Variants in TMEM181 observed in about 807,000 individuals in gnomAD.
The protein encoded by TMEM181 is transmembrane protein 181, also known as G protein-coupled receptor 178.
TMEM181 carries 39 observed loss-of-function variants against 71.9 expected under a neutral mutation model. That is an observed-to-expected ratio of 0.54 (90% CI 0.42 to 0.71). The LOEUF (loss-of-function observed/expected upper bound fraction) is 0.71. TMEM181 is among the 30% of genes least tolerant of loss of function. The pLI is 0.00. For missense variants in TMEM181, 595 were observed against 583.0 expected, an observed-to-expected ratio of 1.02 and a Z score of -0.21; for synonymous variants, 245 against 228.8, an observed-to-expected ratio of 1.07 and a Z score of -0.64.
At chr6:158,607,921 C>G (rs1164650324) in intron 8 of TMEM181, among the ~76,000 whole-genome samples, 1 of 152,218 alleles carries the variant, frequency 6.6e-6, no homozygotes, top group African/African-American at 2.4e-5. Flanking sequence ...GCTGGCTGTT[C>G]CTCTTTTCCT....
intron 6 of TMEM181, among the ~76,000 whole-genome samples, chr6:158,593,559 C>T (rs1784227850): frequency 6.6e-6 from 1 of 152,250 alleles, no homozygotes; most frequent in African/African-American, 2.4e-5. Flanking sequence ...CATGCTGTTT[C>T]TTCTGGTCTG....
intron 7 of TMEM181, among the ~76,000 whole-genome samples, chr6:158,606,182 AGGG>A (rs1784946609): frequency 8.5e-6 from 1 of 117,634 alleles, no homozygotes; most frequent in African/African-American, 3.2e-5. Context: ...CTAGAGCCAC[AGGG>A]AGCTGGAGGG....
Position 158,620,913 on chromosome 6 carries a change from C to T in TMEM181, c.897-2637C>T, listed in dbSNP as rs1445085533. ...ATTTTGGACAATAAACCTGAGAGGG[C>T]CTTCTGGCCAAGTTAGGTCAGAGGC... On this transcript the variant is annotated intron_variant, in intron 10 of 16. Coordinates refer to ENST00000684151, the MANE Select transcript of TMEM181 (RefSeq NM_001376852.1). This position sits in a 1 kb window ranked among gnomAD's most constrained non-coding sequence, Gnocchi z 4.5. Among the ~76,000 whole-genome samples, 1 of 152,168 alleles carries T rather than the reference C, an allele frequency of 6.6e-6. No individual in the cohort carries two copies. The highest frequency in any genetic ancestry group is 1.5e-5 in the Non-Finnish European group (1 of 68,028).
rs777296169 is a variant in TMEM181 at position 158,632,695 on chromosome 6, A to C, written c.*807A>C. Reference sequence around the variant, plus strand: ...AGGTATGGGCAGGAGAGGAACCCTTACCATTCCAGTAAATAGCAGTTTCTG... The same window carrying C: ...AGGTATGGGCAGGAGAGGAACCCTTCCCATTCCAGTAAATAGCAGTTTCTG... On this transcript the variant is annotated 3_prime_UTR_variant, in exon 17 of 17. Transcript: ENST00000684151. 23 of 152,288 alleles carry C rather than the reference A, an allele frequency of 1.5e-4. No homozygotes were observed. The highest frequency in any genetic ancestry group is 5.9e-4 in the Admixed American group (9 of 15,284). 9.4% of individuals were successfully genotyped at this position (152,288 alleles called of 1,614,324 possible). A position where few individuals can be genotyped will look rare whatever the true frequency, so the allele number is the denominator to read the frequency against.
intron 1 of TMEM181, among the ~76,000 whole-genome samples, chr6:158,537,591 T>C (rs989767676): frequency 6.6e-6 from 1 of 152,178 alleles, no homozygotes; most frequent in African/African-American, 2.4e-5. Context: ...TCACCGCCAA[T>C]GGCCGATTTA....
rs1476892401 is a variant in TMEM181, at chr6:158,629,737, G to A, written c.1200G>A (p.Glu400=). The change falls in exon 15 of 17, where the codon GAG becomes GAA. Residue 400 remains glutamate (E), a synonymous_variant. Coordinates refer to ENST00000684151, the MANE Select transcript of TMEM181 (RefSeq NM_001376852.1). ...TTCCCTTGACAGCACCACCAGCCGA[G>A]TTCTTATCTTTCTATGGCCTGTTGA... ...ELSTHYQNSA[E]FLSFYGLLNF... is the part of the protein sequence containing the mutation. 2 of 1,610,146 alleles carry A rather than the reference G, an allele frequency of 1.2e-6. No individual in the cohort carries two copies. Among genetic ancestry groups the A allele is most frequent in the South Asian group, 2.2e-5 (2 of 90,732 alleles).
At chr6:158,545,864 C>T (rs1253971921) in intron 1 of TMEM181, among the ~76,000 whole-genome samples, 1 of 152,058 alleles carries the variant, frequency 6.6e-6, no homozygotes, top group Non-Finnish European at 1.5e-5. Flanking sequence ...TAATACACCC[C>T]CATGGCTAGG....
intron 1 of TMEM181, among the ~76,000 whole-genome samples, chr6:158,547,165 C>T (rs1372371254): frequency 6.6e-6 from 1 of 152,114 alleles, no homozygotes; most frequent in South Asian, 2.1e-4. Flanking sequence ...GCCTGTAGTC[C>T]CAGCTACTTA....
At position 158,633,640 on chromosome 6, in the gene TMEM181, ACTTTCCTTTGTAT is replaced by A. The variant is rs1476776704; in HGVS notation, c.*1762_*1774del. 2 of 152,146 alleles carry A rather than the reference ACTTTCCTTTGTAT, an allele frequency of 1.3e-5. No individual in the cohort carries two copies. Among genetic ancestry groups the A allele is most frequent in the African/African-American group, 2.4e-5 (1 of 41,444 alleles). The allele number at this position is 152,146 out of a possible 1,614,324, so 9.4% of individuals were successfully genotyped here. ...TGTTCATGAGAAACTATTTGTTATG[ACTTTCCTTTGTAT>A]CTTTCCTTTTAATTTAAACTTTAAT... is the stretch of plus-strand genomic sequence containing the variant. On this transcript the variant is annotated 3_prime_UTR_variant, in exon 17 of 17. Transcript: ENST00000684151.
intron 10 of TMEM181, among the ~76,000 whole-genome samples, chr6:158,618,389 T>G (rs186664492): frequency 1.8e-4 from 28 of 152,360 alleles, no homozygotes; most frequent in African/African-American, 6.7e-4. Context: ...TGTGTGTCTC[T>G]GCACGTGAGA....
chr6:158,607,170 C>T (rs529458357), intron 7 of TMEM181, 74 bp from the exon 8 acceptor site: 35 of 1,238,340 alleles, frequency 2.8e-5, no homozygotes, highest in African/African-American at 4.4e-5. Context: ...CCTGGTATGC[C>T]GGCAAGGTGT....
intron 10 of TMEM181, among the ~76,000 whole-genome samples, chr6:158,612,076 T>A (rs1397136207): frequency 2.0e-5 from 3 of 151,984 alleles, no homozygotes; most frequent in Non-Finnish European, 4.4e-5. Flanking sequence ...TGGGGCCCAT[T>A]TTTGGGGGCC....
intron 1 of TMEM181, among the ~76,000 whole-genome samples, chr6:158,539,659 G>A (rs1781266161): frequency 6.6e-6 from 1 of 152,222 alleles, no homozygotes; most frequent in Non-Finnish European, 1.5e-5. Flanking sequence ...TTGCATATTT[G>A]CTACATAATT....
upstream of TMEM181, chr6:158,559,949 C>T: frequency 1.6e-6 from 1 of 609,242 alleles, no homozygotes; most frequent in Non-Finnish European, 2.0e-6. Context: ...TGCTCCCGGC[C>T]GTGGGGCTCC....
At chr6:158,582,279 C>T (rs1783525946) in intron 3 of TMEM181, among the ~76,000 whole-genome samples, 1 of 152,136 alleles carries the variant, frequency 6.6e-6, no homozygotes, top group African/African-American at 2.4e-5. Context: ...CTCTCTTTGA[C>T]ACTGAACACA....
rs989564209 is a variant in TMEM181, at chr6:158,635,289, C to T, written c.*3401C>T. On this transcript the variant is annotated 3_prime_UTR_variant, in exon 17 of 17. Transcript: ENST00000684151. Reference sequence around the variant, plus strand: ...CCATGTGTTCAGTTGTGGACCTGTCCGTGGGGCACAGTGCCACCCCATCAC... The same window carrying T: ...CCATGTGTTCAGTTGTGGACCTGTCTGTGGGGCACAGTGCCACCCCATCAC... 6.6e-6 allele frequency: 1 copy of T among 152,178 alleles called. No homozygotes were observed. The highest frequency in any genetic ancestry group is 1.5e-5 in the Non-Finnish European group (1 of 68,030). The allele number at this position is 152,178 out of a possible 1,614,324, so 9.4% of individuals were successfully genotyped here.
chr6:158,628,730 G>A (rs1029693599), intron 14 of TMEM181, among the ~76,000 whole-genome samples: 10 of 152,344 alleles, frequency 6.6e-5, no homozygotes, highest in African/African-American at 2.2e-4. Flanking sequence ...GTCAGGTTTC[G>A]GGTGGCAGAG....
At chr6:158,611,781 GGACA>G in intron 10 of TMEM181, 8 of 210,264 alleles carry the variant, frequency 3.8e-5, no homozygotes, top group Admixed American at 1.6e-4. Flanking sequence ...GGTTTGTTTT[GGACA>G]ATAAACCTGA....
At chr6:158,543,865 T>C (rs1456838989) in intron 1 of TMEM181, among the ~76,000 whole-genome samples, 1 of 152,104 alleles carries the variant, frequency 6.6e-6, no homozygotes, top group African/African-American at 2.4e-5. Context: ...AAAGAACAGC[T>C]CATGTGTTGA....
Sources: gnomAD v4.1 joint callset for allele counts (sites outside exome capture counted in the v4.1 genomes callset) on GRCh38, gnomAD v4.1.1 for gene constraint, Gnocchi (gnomAD v3.1) non-coding constraint, MANE v1.5 for transcripts, NCBI Gene and HGNC (gene_info 2026-07-23, HGNC 2026-07-21) for gene names.